The following FNIP2 variants were observed in gnomAD, a reference collection of about 807,000 sequenced individuals.
FNIP2 encodes folliculin interacting protein 2.
Under a neutral mutation model 108.7 loss-of-function variants are expected in FNIP2, and 32 were observed. That is an observed-to-expected ratio of 0.29 (90% CI 0.22 to 0.40). The LOEUF (loss-of-function observed/expected upper bound fraction) is 0.40, where lower values mean the gene tolerates loss of function less well. Among genes scored for constraint, FNIP2 ranks in the 10% least tolerant of loss-of-function variants. FNIP2 has a pLI of 1.00. For missense variants in FNIP2, 1,202 were observed against 1,381.6 expected (o/e 0.87, Z 2.06); for synonymous variants, 480 against 496.7 (o/e 0.97, Z 0.45).
At chr4:158,886,284 T>A (rs891053987) in intron 14 of FNIP2, among the ~76,000 whole-genome samples, 1 of 152,248 alleles carries the variant, frequency 6.6e-6, no homozygotes, top group Non-Finnish European at 1.5e-5. Flanking sequence ...GGGAAAATGA[T>A]AATGGCATAT....
At position 158,828,820 on chromosome 4, in the gene FNIP2, T is replaced by C. The variant is rs74323432; in HGVS notation, c.235-259T>C. Among the ~76,000 whole-genome samples, 1,456 of 152,320 alleles carry C rather than the reference T, an allele frequency of 9.6e-3. 13 individuals are homozygous for C. Among genetic ancestry groups the C allele is most frequent in the African/African-American group, 0.034 (1,393 of 41,556 alleles). ...CAAAACAGAGGTCAATTATGTGAAT[T>C]GAAGTGTAAATAATAGTTAAATTAT... On this transcript the variant is annotated intron_variant, in intron 2 of 16. Coordinates refer to ENST00000264433, the MANE Select transcript of FNIP2 (RefSeq NM_020840.3).
chr4:158,806,522 C>A, intron 1 of FNIP2: 1 of 824,736 alleles, frequency 1.2e-6, no homozygotes, highest in Non-Finnish European at 1.7e-6. Context: ...GTTGTTGTTT[C>A]TCATAAGTGC....
At chr4:158,826,973 G>A (rs571466477) in intron 2 of FNIP2, among the ~76,000 whole-genome samples, 1 of 152,322 alleles carries the variant, frequency 6.6e-6, no homozygotes, top group African/African-American at 2.4e-5. Flanking sequence ...TGTCTCATCA[G>A]GGCCAAGGGG....
chr4:158,872,004 G>GC (rs1560820852), intron 14 of FNIP2: 5 of 811,808 alleles, frequency 6.2e-6, no homozygotes, highest in Non-Finnish European at 7.4e-6. Flanking sequence ...ACTGTGAGTT[G>GC]TTTTTTTTTT....
chr4:158,891,496 C>T lies in FNIP2; in HGVS notation c.3000C>T (p.Asp1000=). The T allele has an allele frequency of 6.2e-7, 1 of 1,608,978 alleles. No individual in the cohort carries two copies. The highest frequency in any genetic ancestry group is 8.5e-7 in the Non-Finnish European group (1 of 1,177,610). The change falls in exon 15 of 17, where the codon GAC becomes GAT. Residue 1000 remains aspartate, a synonymous_variant. Coordinates refer to ENST00000264433, the MANE Select transcript of FNIP2 (RefSeq NM_020840.3). ...PIAEAVCIIA[D]TDKWSVQVAT... ...CTGAAGCTGTCTGTATTATCGCAGACACGGATAAATGGAGTGTGCAGGTAG... is the reference window on the plus strand; with the variant it reads ...CTGAAGCTGTCTGTATTATCGCAGATACGGATAAATGGAGTGTGCAGGTAG...
At chr4:158,878,881 T>G (rs1190786818) in intron 14 of FNIP2, among the ~76,000 whole-genome samples, 1 of 134,712 alleles carries the variant, frequency 7.4e-6, no homozygotes, top group African/African-American at 3.0e-5. Flanking sequence ...TAAAAACAAC[T>G]TCTAAAATTG....
rs11942409 is a variant in FNIP2, at chr4:158,784,390, A to G, written c.107+15071A>G. 4.2e-3 allele frequency among the ~76,000 whole-genome samples: 637 copies of G among 152,314 alleles called. 7 individuals carry two copies. Among genetic ancestry groups the G allele is most frequent in the African/African-American group, 0.014 (570 of 41,560 alleles). ...TCCCCAACCTTTTTGGCATGAGGCAACAGTTTCATGGCAGACAATTTTTCC... is the reference window on the plus strand; with the variant it reads ...TCCCCAACCTTTTTGGCATGAGGCAGCAGTTTCATGGCAGACAATTTTTCC... On this transcript the variant is annotated intron_variant, in intron 1 of 16. Transcript: ENST00000264433.
intron 1 of FNIP2, among the ~76,000 whole-genome samples, chr4:158,796,415 C>T (rs1296345061): frequency 1.3e-5 from 2 of 151,914 alleles, no homozygotes; most frequent in Non-Finnish European, 2.9e-5. Context: ...GCTTATTGTT[C>T]CCAAGGAACT....
intron 1 of FNIP2, among the ~76,000 whole-genome samples, chr4:158,805,433 T>C (rs1344967963): frequency 6.6e-6 from 1 of 152,236 alleles, no homozygotes; most frequent in East Asian, 1.9e-4. Flanking sequence ...GAAGTCAAAA[T>C]TGAGCTGCTT....
intron 14 of FNIP2, among the ~76,000 whole-genome samples, chr4:158,877,304 T>G (rs2126731443): frequency 1.3e-5 from 2 of 152,264 alleles, no homozygotes; most frequent in Non-Finnish European, 2.9e-5. Flanking sequence ...CCGGAACCCC[T>G]CCAGACCATC....
intron 1 of FNIP2, among the ~76,000 whole-genome samples, chr4:158,790,758 G>GTAAAA (rs1185488284): frequency 6.6e-6 from 1 of 151,916 alleles, no homozygotes; most frequent in African/African-American, 2.4e-5. Flanking sequence ...AAAATAAAAT[G>GTAAAA]TAAAATAAAA....
intron 12 of FNIP2, among the ~76,000 whole-genome samples, chr4:158,862,509 G>A (rs1232837773): frequency 6.6e-6 from 1 of 152,210 alleles, no homozygotes; most frequent in African/African-American, 2.4e-5. Flanking sequence ...TAAGGAAGGG[G>A]AGATATGGAG....
rs182723970 is a variant in FNIP2 at position 158,844,962 on chromosome 4, C to G, written c.728-6359C>G. On this transcript the variant is annotated intron_variant, in intron 7 of 16. Coordinates refer to ENST00000264433, the MANE Select transcript of FNIP2 (RefSeq NM_020840.3). ...AAATGGATGCTAGTTGAAGATACCT[C>G]CTTAGATAGGAGGGTTGGGACAAAA... Among the ~76,000 whole-genome samples, 153 of 152,274 alleles carry G rather than the reference C, an allele frequency of 1.0e-3. 1 individual carries two copies. The highest frequency in any genetic ancestry group is 1.6e-3 in the Non-Finnish European group (107 of 68,012).
In FNIP2 at chr4:158,904,865, TGGGCAGAATA is replaced by T. The variant is rs1159002560; in HGVS notation, c.*322_*331del. On this transcript the variant is annotated 3_prime_UTR_variant, in exon 17 of 17. Transcript: ENST00000264433. ...TTGCAACAGATTGCCTTGTGCTGTT[TGGGCAGAATA>T]AAGACAAGTGACTTGAGCGGGGTGG... The T allele has an allele frequency of 1.1e-5, 3 of 269,624 alleles. No individual in the cohort carries two copies. Among genetic ancestry groups the T allele is most frequent in the Non-Finnish European group, 1.4e-5 (2 of 138,148 alleles). The allele number at this position is 269,624 out of a possible 1,614,324, so 16.7% of individuals were successfully genotyped here.
At chr4:158,787,660 T>C (rs1485830919) in intron 1 of FNIP2, among the ~76,000 whole-genome samples, 2 of 152,230 alleles carry the variant, frequency 1.3e-5, no homozygotes. Context: ...ATAGCTAAAA[T>C]ACATTTTTAT....
At chr4:158,861,510 A>G in intron 11 of FNIP2, 22 bp downstream of exon 11, 1 of 1,613,746 alleles carries the variant, frequency 6.2e-7, no homozygotes, top group Non-Finnish European at 8.5e-7. Context: ...CTCTCTGGAG[A>G]CTTGTATGCA....
At chr4:158,871,691 C>T (rs1255474744) in intron 14 of FNIP2, 1 of 985,282 alleles carries the variant, frequency 1.0e-6, no homozygotes, top group Non-Finnish European at 1.2e-6. Flanking sequence ...CATGCCACCC[C>T]TCACCAGGAT....
At position 158,823,873 on chromosome 4, in the gene FNIP2, C is replaced by T. The variant is rs149138976; in HGVS notation, c.108-2043C>T. Among the ~76,000 whole-genome samples the T allele has an allele frequency of 7.0e-4, 106 of 152,222 alleles. 1 individual carries two copies. The highest frequency in any genetic ancestry group is 2.3e-3 in the African/African-American group (96 of 41,536). ...TTAGCCAGACCTGAAACATGGACTC[C>T]CTCTGGACTGAGAGTAGAGGGAAGA... is the stretch of plus-strand genomic sequence containing the variant. On this transcript the variant is annotated intron_variant, in intron 1 of 16. Transcript: ENST00000264433.
intron 1 of FNIP2, among the ~76,000 whole-genome samples, chr4:158,819,074 A>G (rs1321943209): frequency 6.6e-6 from 1 of 152,208 alleles, no homozygotes; most frequent in Non-Finnish European, 1.5e-5. Flanking sequence ...TAATATTTAT[A>G]TGTTGGCCTT....
Sources: gnomAD v4.1 joint callset for allele counts (sites outside exome capture counted in the v4.1 genomes callset) on GRCh38, gnomAD v4.1.1 for gene constraint, MANE v1.5 for transcripts, NCBI Gene and HGNC (gene_info 2026-07-23, HGNC 2026-07-21) for gene names.